The following PDE1C variants were observed in gnomAD, a reference collection of about 807,000 sequenced individuals.
PDE1C encodes the protein dual specificity calcium/calmodulin-dependent 3',5'-cyclic nucleotide phosphodiesterase 1C.
PDE1C carries 62 observed loss-of-function variants against 93.1 expected under a neutral mutation model. That is an observed-to-expected ratio of 0.67 (90% CI 0.54 to 0.82). The LOEUF is 0.82. PDE1C is among the 40% of genes least tolerant of loss of function. The probability of loss-of-function intolerance (pLI) is 0.00; values close to 1 mark genes in which losing one functional copy is unlikely to be tolerated. For missense variants in PDE1C, 742 were observed against 884.6 expected, an observed-to-expected ratio of 0.84 and a Z score of 2.04; for synonymous variants, 325 against 310.1, an observed-to-expected ratio of 1.05 and a Z score of -0.50.
At chr7:31,958,640 C>G (rs1808484302) in intron 2 of PDE1C, among the ~76,000 whole-genome samples, 1 of 152,104 alleles carries the variant, frequency 6.6e-6, no homozygotes, top group Admixed American at 6.5e-5. Flanking sequence ...TTCAGGAAAT[C>G]TGCAAAATAA....
chr7:31,654,694 C>T, the PDE1C span, among the ~76,000 whole-genome samples: 1 of 152,054 alleles, frequency 6.6e-6, no homozygotes, highest in Non-Finnish European at 1.5e-5. Context: ...CACTGGGTCT[C>T]TAAGGAATGG....
intron 3 of PDE1C, among the ~76,000 whole-genome samples, chr7:32,160,264 G>T (rs1801832251): frequency 6.6e-6 from 1 of 152,240 alleles, no homozygotes; most frequent in Admixed American, 6.5e-5. Context: ...TCATCCAAAT[G>T]GTAAGTTCAT....
the PDE1C span, among the ~76,000 whole-genome samples, chr7:31,620,005 C>T: frequency 6.6e-6 from 1 of 152,192 alleles, no homozygotes; most frequent in East Asian, 1.9e-4. Context: ...TCGCTGATTG[C>T]TAGCACAGCA....
At chr7:32,020,375 A>T (rs751263848) in intron 2 of PDE1C, among the ~76,000 whole-genome samples, 2 of 151,794 alleles carry the variant, frequency 1.3e-5, no homozygotes, top group Non-Finnish European at 2.9e-5. Flanking sequence ...AATTCTTCAT[A>T]TTTTTTCTCC....
chr7:32,259,204 G>T (rs918475999), intron 1 of PDE1C, among the ~76,000 whole-genome samples: 1 of 152,126 alleles, frequency 6.6e-6, no homozygotes, highest in African/African-American at 2.4e-5. Flanking sequence ...TTGATAAATT[G>T]TTCTTCCATA....
intron 2 of PDE1C, among the ~76,000 whole-genome samples, chr7:31,997,760 G>C (rs1784905282): frequency 6.6e-6 from 1 of 152,170 alleles, no homozygotes; most frequent in Non-Finnish European, 1.5e-5. Context: ...CCTACACAGA[G>C]AGGGTTGGCT....
At chr7:32,198,948 C>T (rs1804807789) in intron 2 of PDE1C, among the ~76,000 whole-genome samples, 1 of 151,720 alleles carries the variant, frequency 6.6e-6, no homozygotes, top group Non-Finnish European at 1.5e-5. Flanking sequence ...GAAACCCTGT[C>T]TCTACTGAAA....
chr7:32,285,046 A>G (rs998389326), intron 1 of PDE1C, among the ~76,000 whole-genome samples: 1 of 151,766 alleles, frequency 6.6e-6, no homozygotes, highest in Non-Finnish European at 1.5e-5. Flanking sequence ...AAAAAAAAGA[A>G]AAAAGAAAAA....
chr7:32,361,915 T>C (rs1342927709), intron 1 of PDE1C, among the ~76,000 whole-genome samples: 2 of 152,188 alleles, frequency 1.3e-5, no homozygotes, highest in Non-Finnish European at 2.9e-5. Flanking sequence ...AGTTCAAGCC[T>C]AGGTTTCTTT....
intron 3 of PDE1C, among the ~76,000 whole-genome samples, chr7:32,115,443 G>C (rs1220478991): frequency 6.6e-6 from 1 of 152,044 alleles, no homozygotes; most frequent in Admixed American, 6.6e-5. Context: ...ACAGGGAGGG[G>C]AACAACACAC....
intron 1 of PDE1C, among the ~76,000 whole-genome samples, chr7:32,420,118 TATATATACACAC>T (rs1257943199): frequency 4.1e-5 from 1 of 24,184 alleles, no homozygotes; most frequent in East Asian, 1.8e-3. Context: ...TATATATATA[TATATATACACAC>T]ACACACACAC....
intron 1 of PDE1C, among the ~76,000 whole-genome samples, chr7:32,229,473 C>G (rs895206653): frequency 1.3e-4 from 20 of 152,164 alleles, no homozygotes. Flanking sequence ...GTGGGAGTAC[C>G]CTGTTGGTCA....
At chr7:32,188,600 T>C (rs544109166) in intron 2 of PDE1C, among the ~76,000 whole-genome samples, 1 of 152,302 alleles carries the variant, frequency 6.6e-6, no homozygotes, top group African/African-American at 2.4e-5. Flanking sequence ...CTTATGTCTT[T>C]CTGCTGCTAT....
chr7:32,146,042 T>A (rs1800813740), intron 3 of PDE1C, among the ~76,000 whole-genome samples: 2 of 152,124 alleles, frequency 1.3e-5, no homozygotes, highest in Admixed American at 1.3e-4. Flanking sequence ...GAAGGGGTAG[T>A]TAGCATGGGG....
chr7:31,684,390 A>G, the PDE1C span, among the ~76,000 whole-genome samples: 3 of 152,226 alleles, frequency 2.0e-5, no homozygotes, highest in African/African-American at 7.2e-5. Flanking sequence ...TCTAAATTAT[A>G]TATTTTAAAA....
At chr7:31,887,248 G>A (rs1798068347) in intron 2 of PDE1C, among the ~76,000 whole-genome samples, 1 of 152,088 alleles carries the variant, frequency 6.6e-6, no homozygotes, top group South Asian at 2.1e-4. Flanking sequence ...CATTGTTTTG[G>A]GGCATGCGGT....
intron 16 of PDE1C, chr7:31,789,219 A>G (rs1370742298): frequency 6.6e-6 from 1 of 152,128 alleles, no homozygotes; most frequent in African/African-American, 2.4e-5. Context: ...TCCCACCTGT[A>G]ATTTGGTCTC....
chr7:31,778,134 C>A, intron 16 of PDE1C, among the ~76,000 whole-genome samples: 1 of 152,156 alleles, frequency 6.6e-6, no homozygotes, highest in East Asian at 1.9e-4. Flanking sequence ...GTGTCTTGGA[C>A]ACTCCGGGGT....
the PDE1C span, among the ~76,000 whole-genome samples, chr7:31,638,690 G>A: frequency 5.3e-5 from 8 of 151,994 alleles, no homozygotes; most frequent in African/African-American, 9.7e-5. Flanking sequence ...TTGTTAACTC[G>A]ATATGTAATG....
Sources: gnomAD v4.1 joint callset for allele counts (sites outside exome capture counted in the v4.1 genomes callset) on GRCh38, gnomAD v4.1.1 for gene constraint, MANE v1.5 for transcripts, NCBI Gene and HGNC (gene_info 2026-07-23, HGNC 2026-07-21) for gene names.